ARB2A: variants seen among roughly 807,000 people sequenced by gnomAD.
ARB2A encodes cotranscriptional regulator ARB2A.
chr5:93,935,631 AC>A, the ARB2A span, among the ~76,000 whole-genome samples: 3 of 152,220 alleles, frequency 2.0e-5, no homozygotes, highest in Non-Finnish European at 4.4e-5. Flanking sequence ...ACGGCAGTGT[AC>A]TAAGAAACTC....
At chr5:93,787,130 A>G in the ARB2A span, among the ~76,000 whole-genome samples, 6 of 152,148 alleles carry the variant, frequency 3.9e-5, no homozygotes, top group African/African-American at 1.4e-4. Flanking sequence ...TTTTGAGGAG[A>G]AGATCTTTAA....
At chr5:93,992,727 T>C in the ARB2A span, among the ~76,000 whole-genome samples, 8 of 152,056 alleles carry the variant, frequency 5.3e-5, no homozygotes, top group Non-Finnish European at 8.8e-5. Context: ...CAATAGATTC[T>C]TACTTAGATA....
chr5:93,913,057 G>T, the ARB2A span, among the ~76,000 whole-genome samples: 2 of 151,604 alleles, frequency 1.3e-5, no homozygotes, highest in African/African-American at 4.8e-5. Flanking sequence ...ACATCTTTAC[G>T]TTTATTATTT....
chr5:93,854,757 G>A, the ARB2A span, among the ~76,000 whole-genome samples: 1 of 152,100 alleles, frequency 6.6e-6, no homozygotes, highest in Non-Finnish European at 1.5e-5. Context: ...TTTCCATGTA[G>A]TTGAGCAGTT....
At chr5:93,941,523 AC>A in the ARB2A span, among the ~76,000 whole-genome samples, 1 of 152,182 alleles carries the variant, frequency 6.6e-6, no homozygotes, top group East Asian at 1.9e-4. Flanking sequence ...TTCTGATCAT[AC>A]ACAAACCCCA....
At chr5:93,922,312 T>C in the ARB2A span, among the ~76,000 whole-genome samples, 298 of 151,540 alleles carry the variant, frequency 2.0e-3, no homozygotes, top group African/African-American at 7.0e-3. Context: ...CAGTGAAGGG[T>C]TTCAAGATAA....
At chr5:93,717,196 A>G in the ARB2A span, among the ~76,000 whole-genome samples, 1 of 152,186 alleles carries the variant, frequency 6.6e-6, no homozygotes, top group Non-Finnish European at 1.5e-5. Context: ...GTGGATCCTG[A>G]GCTACTGCAT....
At chr5:93,993,991 C>G in the ARB2A span, among the ~76,000 whole-genome samples, 1 of 152,120 alleles carries the variant, frequency 6.6e-6, no homozygotes, top group Admixed American at 6.5e-5. Flanking sequence ...TTGCATATCT[C>G]TATATCAAGG....
chr5:93,764,404 G>C, the ARB2A span, among the ~76,000 whole-genome samples: 1 of 152,166 alleles, frequency 6.6e-6, no homozygotes, highest in Non-Finnish European at 1.5e-5. Context: ...ACTACCATCA[G>C]AGAATACTAT....
chr5:94,061,065 T>C, the ARB2A span, among the ~76,000 whole-genome samples: 1 of 152,034 alleles, frequency 6.6e-6, no homozygotes, highest in Non-Finnish European at 1.5e-5. Context: ...GGTGAAACCC[T>C]GTCTCTACTA....
the ARB2A span, among the ~76,000 whole-genome samples, chr5:93,723,769 T>A: frequency 2.0e-5 from 3 of 152,042 alleles, no homozygotes; most frequent in Non-Finnish European, 4.4e-5. Flanking sequence ...GAAATTTCTA[T>A]CACGACCTTT....
the ARB2A span, among the ~76,000 whole-genome samples, chr5:93,725,945 G>A: frequency 6.6e-6 from 1 of 152,034 alleles, no homozygotes; most frequent in Non-Finnish European, 1.5e-5. Flanking sequence ...TGAATGAAAT[G>A]AACAGTACTG....
chr5:93,817,696 C>G, the ARB2A span, among the ~76,000 whole-genome samples: 1 of 152,068 alleles, frequency 6.6e-6, no homozygotes, highest in Non-Finnish European at 1.5e-5. Context: ...GACAAGGGTG[C>G]TAAGACAAAT....
chr5:93,997,270 T>C, the ARB2A span, among the ~76,000 whole-genome samples: 1 of 152,064 alleles, frequency 6.6e-6, no homozygotes. Context: ...AACCAGGTTT[T>C]AGTAAACAAA....
the ARB2A span, among the ~76,000 whole-genome samples, chr5:93,975,041 G>A: frequency 1.3e-5 from 2 of 152,084 alleles, no homozygotes; most frequent in African/African-American, 2.4e-5. Context: ...TTAGCTGGGC[G>A]CGGTGGCTCA....
At chr5:93,939,425 CTAAGT>C in the ARB2A span, among the ~76,000 whole-genome samples, 9 of 152,136 alleles carry the variant, frequency 5.9e-5, no homozygotes, top group Admixed American at 5.2e-4. Flanking sequence ...TATTTCTAAA[CTAAGT>C]TTTCAATCTA....
chr5:93,662,043 T>G, the ARB2A span, among the ~76,000 whole-genome samples: 4 of 152,312 alleles, frequency 2.6e-5, no homozygotes, highest in South Asian at 8.3e-4. Flanking sequence ...AGCTGTTTTG[T>G]AGATCAATAT....
the ARB2A span, among the ~76,000 whole-genome samples, chr5:93,727,353 A>G: frequency 6.6e-6 from 1 of 152,018 alleles, no homozygotes; most frequent in Non-Finnish European, 1.5e-5. Flanking sequence ...CCCTTTTAAA[A>G]TATAATATTT....
At chr5:94,067,436 C>T in the ARB2A span, among the ~76,000 whole-genome samples, 1 of 151,968 alleles carries the variant, frequency 6.6e-6, no homozygotes. Flanking sequence ...TATAGAAAAA[C>T]CTAAAGACTC....
Sources: gnomAD v4.1 joint callset for allele counts (sites outside exome capture counted in the v4.1 genomes callset) on GRCh38, gnomAD v4.1.1 for gene constraint, MANE v1.5 for transcripts, NCBI Gene and HGNC (gene_info 2026-07-23, HGNC 2026-07-21) for gene names.